PGM2L1: variants seen among roughly 807,000 people sequenced by gnomAD.
The protein encoded by PGM2L1 is phosphoglucomutase 2 like 1.
Under a neutral mutation model 73.4 loss-of-function variants are expected in PGM2L1, and 35 were observed. The ratio of observed to expected loss-of-function variants is 0.48; its 90% CI spans 0.36 to 0.63. PGM2L1 has a LOEUF of 0.63. Ranked by LOEUF, PGM2L1 falls within the 30% of genes least tolerant of loss-of-function variation. The pLI is 0.00. For missense variants in PGM2L1, 570 were observed against 742.0 expected (o/e 0.77, Z 2.69); for synonymous variants, 225 against 253.8 (o/e 0.89, Z 1.08).
At chr11:74,381,155 C>A (rs906284595) in intron 1 of PGM2L1, among the ~76,000 whole-genome samples, 20 of 152,166 alleles carry the variant, frequency 1.3e-4, no homozygotes, top group African/African-American at 3.9e-4. Context: ...AGCTTTATGA[C>A]CTTGAACAGG....
At chr11:74,378,078 G>A (rs1163941419) in intron 1 of PGM2L1, among the ~76,000 whole-genome samples, 2 of 152,118 alleles carry the variant, frequency 1.3e-5, no homozygotes, top group African/African-American at 2.4e-5. Flanking sequence ...GAGGCGGGCG[G>A]ATCACCTGAG....
chr11:74,389,767 T>A (rs904815615), intron 1 of PGM2L1, among the ~76,000 whole-genome samples: 3 of 149,890 alleles, frequency 2.0e-5, no homozygotes, highest in Non-Finnish European at 4.4e-5. Context: ...TAATTTTAGA[T>A]CAAAGACATA....
chr11:74,384,209 C>G (rs1862989721), intron 1 of PGM2L1, among the ~76,000 whole-genome samples: 1 of 151,986 alleles, frequency 6.6e-6, no homozygotes, highest in Admixed American at 6.6e-5. Flanking sequence ...TGTTAATTCT[C>G]TCTCTGATTC....
At chr11:74,359,684 C>G (rs1276308886) in intron 5 of PGM2L1, among the ~76,000 whole-genome samples, 3 of 151,976 alleles carry the variant, frequency 2.0e-5, no homozygotes, top group Admixed American at 6.6e-5. Flanking sequence ...GCACAGAACA[C>G]TATTATATAG....
rs144246320 is a variant in PGM2L1 at position 74,356,814 on chromosome 11, T to C, written c.556-5238A>G. Among the ~76,000 whole-genome samples, 38 of 151,634 alleles carry C rather than the reference T, an allele frequency of 2.5e-4. No homozygotes were observed. The East Asian group carries it at 6.6e-3, about 26-fold the overall frequency. On this transcript the variant is annotated intron_variant, in intron 5 of 13. Transcript: ENST00000298198. ...CTAGAAGATATGATGAGAGGAAGTCTAGAGGATCTTGGGTTTGGCAATCAC... is the reference window on the plus strand; with the variant it reads ...CTAGAAGATATGATGAGAGGAAGTCCAGAGGATCTTGGGTTTGGCAATCAC...
At chr11:74,358,390 G>C (rs1466184126) in intron 5 of PGM2L1, among the ~76,000 whole-genome samples, 1 of 152,130 alleles carries the variant, frequency 6.6e-6, no homozygotes, top group African/African-American at 2.4e-5. Context: ...TACATGAAAA[G>C]ATGCTCAACC....
rs540322850 is a variant in PGM2L1, at chr11:74,351,454, C to T, written c.678G>A (p.Pro226=). ...TGTCCTGCAGAGGGTCTCTCTTCAG[C>T]GGGCTGGTATCCACTAAATTATCAT... is the stretch of plus-strand genomic sequence containing the variant. ...SWNDNLVDTS[P]LKRDPLQDIC... is the part of the protein sequence containing the mutation. The change falls in exon 6 of 14, where the codon CCG becomes CCA. Residue 226 remains proline, a synonymous_variant. Coordinates refer to ENST00000298198, the MANE Select transcript of PGM2L1 (RefSeq NM_173582.6). 57 of 1,613,948 alleles carry T rather than the reference C, an allele frequency of 3.5e-5. No individual in the cohort carries two copies. The highest frequency in any genetic ancestry group is 4.5e-5 in the East Asian group (2 of 44,878).
chr11:74,367,532 C>T (rs1415298609), intron 5 of PGM2L1, among the ~76,000 whole-genome samples: 1 of 152,172 alleles, frequency 6.6e-6, no homozygotes, highest in Non-Finnish European at 1.5e-5. Flanking sequence ...TTCTCTTCTT[C>T]CCTTCCTTTA....
In PGM2L1 at chr11:74,331,981, G is replaced by A. The variant is rs2134868800; in HGVS notation, c.*4671C>T. ...TACATAGTCTTGAATAAACAAAGAG[G>A]AAAGATGGTCTAATAAATATATAGT... On this transcript the variant is annotated 3_prime_UTR_variant, in exon 14 of 14. Transcript: ENST00000298198. 1 of 152,276 alleles carries A rather than the reference G, an allele frequency of 6.6e-6. No individual in the cohort carries two copies. Among genetic ancestry groups the A allele is most frequent in the East Asian group, 1.9e-4 (1 of 5,184 alleles). 9.4% of individuals were successfully genotyped at this position (152,276 alleles called of 1,614,324 possible). A position where few individuals can be genotyped will look rare whatever the true frequency, so the allele number is the denominator to read the frequency against.
At chr11:74,385,822 C>A (rs1863010554) in intron 1 of PGM2L1, among the ~76,000 whole-genome samples, 1 of 151,772 alleles carries the variant, frequency 6.6e-6, no homozygotes, top group Non-Finnish European at 1.5e-5. Context: ...CCATATTCTT[C>A]TGAAATTAGG....
chr11:74,336,848 T>C, intron 13 of PGM2L1, 94 bp from the exon 14 acceptor site: 1 of 750,218 alleles, frequency 1.3e-6, no homozygotes, highest in Non-Finnish European at 2.0e-6. Flanking sequence ...CCTGATGGAG[T>C]CATTAAACAA....
intron 13 of PGM2L1, among the ~76,000 whole-genome samples, chr11:74,338,126 C>T (rs1310842753): frequency 1.3e-5 from 2 of 152,078 alleles, no homozygotes; most frequent in African/African-American, 4.8e-5. Flanking sequence ...ATGGTGGAAC[C>T]TAGAAACCAT....
chr11:74,379,293 A>G (rs1273252943), intron 1 of PGM2L1, among the ~76,000 whole-genome samples: 2 of 151,766 alleles, frequency 1.3e-5, no homozygotes, highest in African/African-American at 2.4e-5. Flanking sequence ...CAGAGTGACA[A>G]CTCCTTATTA....
In PGM2L1 at chr11:74,332,537, A is replaced by G. The variant is rs535314139; in HGVS notation, c.*4115T>C. The G allele has an allele frequency of 6.5e-6, 1 of 152,782 alleles. No individual in the cohort carries two copies. Among genetic ancestry groups the G allele is most frequent in the Admixed American group, 6.5e-5 (1 of 15,304 alleles). 9.5% of individuals were successfully genotyped at this position (152,782 alleles called of 1,614,324 possible). A position where few individuals can be genotyped will look rare whatever the true frequency, so the allele number is the denominator to read the frequency against. The stretch of plus-strand genomic sequence containing the variant: ...TAACAGGGCAATAGTCCTTCACAGT[A>G]ACAAAATGTGCAAGGGTGCCTAGGA... On this transcript the variant is annotated 3_prime_UTR_variant, in exon 14 of 14. Transcript: ENST00000298198.
intron 12 of PGM2L1, among the ~76,000 whole-genome samples, chr11:74,339,726 T>C (rs1259091347): frequency 6.6e-6 from 1 of 152,210 alleles, no homozygotes; most frequent in Non-Finnish European, 1.5e-5. Context: ...CCACTCATCA[T>C]GCAGGCCATT....
chr11:74,351,644 G>T, intron 5 of PGM2L1, 68 bp from the exon 6 acceptor site: 1 of 1,343,628 alleles, frequency 7.4e-7, no homozygotes. Context: ...GTCTATAGTT[G>T]AGATCTTCAG....
intron 1 of PGM2L1, among the ~76,000 whole-genome samples, chr11:74,381,741 C>T (rs1862949996): frequency 6.6e-6 from 1 of 151,660 alleles, no homozygotes. Flanking sequence ...CCACTGCACC[C>T]AGTGTAAGTA....
chr11:74,378,200 G>C (rs868430994), intron 1 of PGM2L1, among the ~76,000 whole-genome samples: 6 of 152,162 alleles, frequency 3.9e-5, no homozygotes, highest in Middle Eastern at 6.8e-3. Context: ...TACTTGGGAG[G>C]CTGAGGCAGG....
At chr11:74,360,485 G>A (rs1378283614) in intron 5 of PGM2L1, among the ~76,000 whole-genome samples, 4 of 152,030 alleles carry the variant, frequency 2.6e-5, no homozygotes, top group Admixed American at 6.6e-5. Flanking sequence ...CAGGACCGAC[G>A]CAGAAGATGG....
Sources: allele counts gnomAD v4.1 joint callset (sites outside exome capture counted in the v4.1 genomes callset), GRCh38; gene constraint gnomAD v4.1.1; transcripts MANE v1.5; gene names NCBI Gene and HGNC (gene_info 2026-07-23, HGNC 2026-07-21).